The following DYSF variants were observed in gnomAD, a reference collection of about 807,000 sequenced individuals.
DYSF encodes dysferlin.
In DYSF, 212 loss-of-function variants were observed where a neutral mutation model predicts 274.9. That is an observed-to-expected ratio of 0.77 (90% CI 0.69 to 0.86). The LOEUF (loss-of-function observed/expected upper bound fraction) is 0.86. DYSF is among the 40% of genes least tolerant of loss of function. The pLI is 0.00. For missense variants in DYSF, 2,666 were observed against 2,783.2 expected (o/e 0.96, Z 0.95); for synonymous variants, 1,091 against 1,078.7 (o/e 1.01, Z -0.22).
At chr2:71,560,417 G>GCCCCAGCACAGGGCTCCGGCCCAGGTCCC (rs56170138) in intron 22 of DYSF, among the ~76,000 whole-genome samples, 1 of 138,786 alleles carries the variant, frequency 7.2e-6, no homozygotes, top group Non-Finnish European at 1.5e-5. Flanking sequence ...TCCCAGGCAG[G>GCCCCAGCACAGGGCTCCGGCCCAGGTCCC]CCCCCGCCCC....
chr2:71,681,081 C>T lies in DYSF; in HGVS notation c.6144C>T (p.Pro2048=). 1 of 1,614,160 alleles carries T rather than the reference C, an allele frequency of 6.2e-7. No homozygotes were observed. The highest frequency in any genetic ancestry group is 1.3e-5 in the African/African-American group (1 of 75,048). The change falls in exon 54 of 56, where the codon CCC becomes CCT. Residue 2048 remains proline (P), a synonymous_variant. Coordinates refer to ENST00000410020, the MANE Select transcript of DYSF (RefSeq NM_001130987.2). ...ERPAGQGRDE[P]NMNPKLEDPR... ...CTGCTGGCCAGGGCCGGGATGAGCC[C>T]AACATGAACCCTAAGCTTGAGGACC...
At chr2:71,608,108 C>T (rs980486019) in intron 36 of DYSF, among the ~76,000 whole-genome samples, 11 of 151,814 alleles carry the variant, frequency 7.2e-5, no homozygotes, top group African/African-American at 2.2e-4. Context: ...GAGTGTCCTT[C>T]GGGTAGGGGA....
At chr2:71,668,245 G>T (rs1297823022) in intron 48 of DYSF, among the ~76,000 whole-genome samples, 1 of 152,210 alleles carries the variant, frequency 6.6e-6, no homozygotes, top group Non-Finnish European at 1.5e-5. Context: ...GGCACAACAG[G>T]TGTGGAAACT....
intron 30 of DYSF, among the ~76,000 whole-genome samples, chr2:71,577,980 G>A (rs2092767181): frequency 6.6e-6 from 1 of 152,192 alleles, no homozygotes; most frequent in African/African-American, 2.4e-5. Context: ...CTGCTTACTA[G>A]CTGTGGACGG....
chr2:71,569,600 G>T (rs1367075921), intron 26 of DYSF, among the ~76,000 whole-genome samples: 1 of 151,862 alleles, frequency 6.6e-6, no homozygotes, highest in Non-Finnish European at 1.5e-5. Flanking sequence ...TCTTTATCTT[G>T]GGTGATGTGC....
chr2:71,559,062 C>T (rs571480876), intron 22 of DYSF, among the ~76,000 whole-genome samples: 101 of 152,328 alleles, frequency 6.6e-4, no homozygotes, highest in Non-Finnish European at 1.2e-3. Flanking sequence ...GTTCCTCATT[C>T]CATCTCAGCC....
At chr2:71,608,896 T>C (rs1189284900) in intron 36 of DYSF, among the ~76,000 whole-genome samples, 1 of 151,820 alleles carries the variant, frequency 6.6e-6, no homozygotes, top group Non-Finnish European at 1.5e-5. Flanking sequence ...TTTCTGCCAC[T>C]CCACTCAGGG....
intron 21 of DYSF, among the ~76,000 whole-genome samples, chr2:71,555,326 C>T (rs755112327): frequency 6.6e-6 from 1 of 152,082 alleles, no homozygotes; most frequent in Non-Finnish European, 1.5e-5. Context: ...CGTGTCCTTG[C>T]TCAGGAAGGC....
At chr2:71,500,920 C>T (rs543693722) in intron 3 of DYSF, among the ~76,000 whole-genome samples, 1 of 152,058 alleles carries the variant, frequency 6.6e-6, no homozygotes, top group Admixed American at 6.6e-5. Context: ...CCAGTTTTCT[C>T]GTGATGGGCA....
At chr2:71,668,920 G>A in intron 49 of DYSF, 78 bp downstream of exon 49, 1 of 1,488,740 alleles carries the variant, frequency 6.7e-7, no homozygotes, top group Non-Finnish European at 9.2e-7. Flanking sequence ...GGACTAGGCG[G>A]TTGCTCTTTT....
intron 24 of DYSF, 57 bp downstream of exon 24, chr2:71,564,270 T>G: frequency 3.1e-6 from 5 of 1,598,408 alleles, no homozygotes; most frequent in Non-Finnish European, 4.3e-6. Context: ...AAGGCCTTTC[T>G]CCCATCTCTT....
Position 71,664,194 on chromosome 2 carries a change from G to C in DYSF, c.5004-74G>C, listed in dbSNP as rs113634279. 278 of 1,601,752 alleles carry C rather than the reference G, an allele frequency of 1.7e-4. 1 individual carries two copies. The highest frequency in any genetic ancestry group is 2.2e-4 in the Non-Finnish European group (260 of 1,170,862). On this transcript the variant is annotated intron_variant, in intron 45 of 55. Coordinates refer to ENST00000410020, the MANE Select transcript of DYSF (RefSeq NM_001130987.2). ...AAAGAAGACTCCCTGGGGTAGTTTC[G>C]AGCTCTTGTCCTGCCCTGCCTGTCC...
chr2:71,630,426 T>G (rs535446447), intron 41 of DYSF, among the ~76,000 whole-genome samples: 1 of 152,190 alleles, frequency 6.6e-6, no homozygotes, highest in Non-Finnish European at 1.5e-5. Flanking sequence ...TTAAGTAAAG[T>G]AGAGTTGACC....
At chr2:71,639,102 G>A (rs1235844730) in intron 41 of DYSF, among the ~76,000 whole-genome samples, 4 of 152,162 alleles carry the variant, frequency 2.6e-5, no homozygotes, top group Admixed American at 2.6e-4. Flanking sequence ...ATCTTTCCAT[G>A]TGCTATTGGC....
intron 53 of DYSF, 86 bp from the exon 54 acceptor site, chr2:71,680,915 C>G: frequency 9.7e-7 from 1 of 1,035,184 alleles, no homozygotes; most frequent in South Asian, 1.3e-5. Flanking sequence ...AATGAAGTGG[C>G]CCTTATGTTT....
In DYSF at chr2:71,682,548, C is replaced by T. The variant is rs757325549; in HGVS notation, c.6192C>T (p.Phe2064=). The part of the protein sequence containing the change: ...LEDPRRPDTS[F]LWFTSPYKTM... ...CTTCCAGGCGCCCCGACACCTCCTT[C>T]CTGTGGTTTACCTCCCCATACAAGA... is the stretch of plus-strand genomic sequence containing the variant. The change falls in exon 55 of 56, where the codon TTC becomes TTT. Residue 2064 remains phenylalanine (F), a synonymous_variant. Transcript: ENST00000410020. The T allele has an allele frequency of 3.7e-6, 6 of 1,614,124 alleles. No homozygotes were observed. The highest frequency in any genetic ancestry group is 5.1e-6 in the Non-Finnish European group (6 of 1,180,034).
At chr2:71,478,212 AT>A (rs61626723) in intron 1 of DYSF, among the ~76,000 whole-genome samples, 7,255 of 140,776 alleles carry the variant, frequency 0.052, 378 homozygotes, top group African/African-American at 0.15. Context: ...ATCCTCAATA[AT>A]TTTTTTTTTT....
At chr2:71,611,774 C>G in intron 38 of DYSF, 148 bp downstream of exon 38, 1 of 1,105,552 alleles carries the variant, frequency 9.0e-7, no homozygotes, top group East Asian at 2.6e-5. Flanking sequence ...GAGAAATGCT[C>G]ATACCCTCCT....
At chr2:71,457,539 C>G (rs535389665) in intron 1 of DYSF, among the ~76,000 whole-genome samples, 2 of 152,274 alleles carry the variant, frequency 1.3e-5, no homozygotes, top group East Asian at 1.9e-4. Context: ...CCTGATGCCC[C>G]CCTCGGTCTG....
Sources: gnomAD v4.1 joint callset for allele counts (sites outside exome capture counted in the v4.1 genomes callset) on GRCh38, gnomAD v4.1.1 for gene constraint, MANE v1.5 for transcripts, NCBI Gene and HGNC (gene_info 2026-07-23, HGNC 2026-07-21) for gene names.